The following FAM83B variants were observed in gnomAD, a reference collection of about 807,000 sequenced individuals.
FAM83B encodes protein FAM83B.
FAM83B carries 26 observed loss-of-function variants against 38.8 expected under a neutral mutation model. The observed-to-expected ratio is 0.67, with a 90% CI of 0.49 to 0.93. The LOEUF is 0.93. Among genes scored for constraint, FAM83B ranks in the 40% least tolerant of loss-of-function variants. The probability of loss-of-function intolerance (pLI) is 0.00; values close to 1 mark genes in which losing one functional copy is unlikely to be tolerated. For synonymous variants in FAM83B, 419 were observed against 423.1 expected (o/e 0.99, Z 0.12); for missense variants, 1,237 against 1,197.3 (o/e 1.03, Z -0.49).
chr6:54,897,226 C>T (rs1283997593), intron 2 of FAM83B, among the ~76,000 whole-genome samples: 2 of 112,678 alleles, frequency 1.8e-5, no homozygotes, highest in Non-Finnish European at 3.5e-5. Context: ...ATGTTGTGAT[C>T]TAAAAAAAAA....
Position 54,942,019 on chromosome 6 carries a change from C to T in FAM83B, c.*12C>T, listed in dbSNP as rs1011207450. 8.9e-6 allele frequency: 14 copies of T among 1,580,436 alleles called. No homozygotes were observed. Among genetic ancestry groups the T allele is most frequent in the Non-Finnish European group, 1.1e-5 (13 of 1,165,548 alleles). On this transcript the variant is annotated 3_prime_UTR_variant, in exon 5 of 5. Transcript: ENST00000306858. ...ACAAAAATAAATAGCTATTAAAATG[C>T]AAAATGAATGAGGCTATCAATATTT...
chr6:54,858,757 A>C (rs1771504643), intron 1 of FAM83B, among the ~76,000 whole-genome samples: 1 of 152,182 alleles, frequency 6.6e-6, no homozygotes, highest in African/African-American at 2.4e-5. Context: ...CTTTAACATA[A>C]TAAAATAATG....
chr6:54,869,689 A>G (rs780316179), intron 1 of FAM83B, among the ~76,000 whole-genome samples: 3 of 152,104 alleles, frequency 2.0e-5, no homozygotes, highest in Non-Finnish European at 4.4e-5. Flanking sequence ...ATTGATCTCT[A>G]CTTGCTTTTA....
chr6:54,858,034 C>G (rs1431718507), intron 1 of FAM83B, among the ~76,000 whole-genome samples: 3 of 152,126 alleles, frequency 2.0e-5, no homozygotes, highest in Non-Finnish European at 1.5e-5. Context: ...ATATGTGAGT[C>G]TAGAGGAGAA....
rs1771379512 is a variant in FAM83B, at chr6:54,854,030, T to C, written c.-61+7204T>C. 3.9e-5 allele frequency among the ~76,000 whole-genome samples: 6 copies of C among 152,218 alleles called. No homozygotes were observed. The South Asian group carries it at 1.0e-3, about 26-fold the overall frequency. On this transcript the variant is annotated intron_variant, in intron 1 of 4. Transcript: ENST00000306858. ...AGGTTCAAGACTTTTGTGGAGGATGTAATTGCAGATATGGTGGAAATAGCA... is the reference window on the plus strand; with the variant it reads ...AGGTTCAAGACTTTTGTGGAGGATGCAATTGCAGATATGGTGGAAATAGCA...
intron 2 of FAM83B, among the ~76,000 whole-genome samples, chr6:54,881,045 C>G (rs980959900): frequency 6.6e-6 from 1 of 152,008 alleles, no homozygotes. Flanking sequence ...TAGGATTTTT[C>G]TTACAATAAA....
intron 2 of FAM83B, among the ~76,000 whole-genome samples, chr6:54,923,153 C>G (rs936217754): frequency 6.6e-6 from 1 of 151,734 alleles, no homozygotes; most frequent in East Asian, 1.9e-4. Flanking sequence ...AAATATAAGG[C>G]GTGATGTTTT....
At chr6:54,851,565 C>T (rs1439086711) in intron 1 of FAM83B, among the ~76,000 whole-genome samples, 4 of 151,886 alleles carry the variant, frequency 2.6e-5, no homozygotes, top group Non-Finnish European at 2.9e-5. Context: ...CTCTGCCTCC[C>T]GGGTTCAAGT....
chr6:54,882,664 T>G (rs932744157), intron 2 of FAM83B, among the ~76,000 whole-genome samples: 1 of 152,302 alleles, frequency 6.6e-6, no homozygotes, highest in South Asian at 2.1e-4. Context: ...CTCATAAGCA[T>G]GGAGTATATG....
At chr6:54,930,133 G>T (rs985758161) in intron 4 of FAM83B, among the ~76,000 whole-genome samples, 1 of 151,752 alleles carries the variant, frequency 6.6e-6, no homozygotes, top group Non-Finnish European at 1.5e-5. Context: ...CACAATTTTT[G>T]GTTAAATGAG....
At chr6:54,900,705 G>C (rs973609116) in intron 2 of FAM83B, among the ~76,000 whole-genome samples, 4 of 152,150 alleles carry the variant, frequency 2.6e-5, no homozygotes, top group African/African-American at 9.7e-5. Flanking sequence ...GAAATCCAGT[G>C]CTTGACCTAG....
At chr6:54,885,050 G>T (rs891844196) in intron 2 of FAM83B, among the ~76,000 whole-genome samples, 4 of 152,114 alleles carry the variant, frequency 2.6e-5, no homozygotes, top group Non-Finnish European at 5.9e-5. Flanking sequence ...GGGATTACAG[G>T]CGTGAGCCAC....
chr6:54,869,917 G>T (rs1406976093), intron 1 of FAM83B, among the ~76,000 whole-genome samples: 2 of 152,114 alleles, frequency 1.3e-5, no homozygotes, highest in Non-Finnish European at 2.9e-5. Flanking sequence ...GGTAGGCATT[G>T]ATTGTTTTCT....
chr6:54,863,259 A>G (rs1208859314), intron 1 of FAM83B, among the ~76,000 whole-genome samples: 1 of 152,212 alleles, frequency 6.6e-6, no homozygotes, highest in African/African-American at 2.4e-5. Flanking sequence ...AAAACCCAAA[A>G]TAGAGGTACC....
chr6:54,854,973 G>A (rs1771409418), intron 1 of FAM83B, among the ~76,000 whole-genome samples: 1 of 152,118 alleles, frequency 6.6e-6, no homozygotes, highest in African/African-American at 2.4e-5. Flanking sequence ...AGACCAAAGG[G>A]CCGCTTCTCT....
intron 2 of FAM83B, among the ~76,000 whole-genome samples, chr6:54,889,044 A>G (rs1772344004): frequency 6.6e-6 from 1 of 152,102 alleles, no homozygotes; most frequent in African/African-American, 2.4e-5. Context: ...CTAATTAACT[A>G]TTAAACCCAT....
chr6:54,921,418 A>G (rs1773165203), intron 2 of FAM83B, among the ~76,000 whole-genome samples: 1 of 151,898 alleles, frequency 6.6e-6, no homozygotes, highest in Admixed American at 6.6e-5. Flanking sequence ...TAAGTGAAGA[A>G]AAATGTCCTT....
intron 1 of FAM83B, among the ~76,000 whole-genome samples, chr6:54,869,589 C>T (rs1771795261): frequency 6.6e-6 from 1 of 151,866 alleles, no homozygotes; most frequent in Non-Finnish European, 1.5e-5. Context: ...AATATTTCTT[C>T]TTGCCACCTG....
At chr6:54,939,541 G>A (rs1773604772) in intron 4 of FAM83B, among the ~76,000 whole-genome samples, 165 bp from the exon 5 acceptor site, 1 of 152,172 alleles carries the variant, frequency 6.6e-6, no homozygotes, top group African/African-American at 2.4e-5. Flanking sequence ...ATAGGAACAT[G>A]AGGATGGGAA....
Sources: gnomAD v4.1 joint callset for allele counts (sites outside exome capture counted in the v4.1 genomes callset) on GRCh38, gnomAD v4.1.1 for gene constraint, MANE v1.5 for transcripts, NCBI Gene and HGNC (gene_info 2026-07-23, HGNC 2026-07-21) for gene names.